Variants in SYT2 observed in about 807,000 individuals in gnomAD.
The protein encoded by SYT2 is synaptotagmin 2.
In SYT2, 15 loss-of-function variants were observed where a neutral mutation model predicts 39.9. The observed-to-expected ratio is 0.38, with a 90% CI of 0.25 to 0.58. SYT2 has a LOEUF of 0.58. Ranked by LOEUF, SYT2 falls within the 20% of genes least tolerant of loss-of-function variation. The pLI, the probability that SYT2 is intolerant of heterozygous loss-of-function variation, is 0.70. For synonymous variants in SYT2, 181 were observed against 204.5 expected, an observed-to-expected ratio of 0.89 and a Z score of 0.98; for missense variants, 389 against 530.3, an observed-to-expected ratio of 0.73 and a Z score of 2.62.
intron 1 of SYT2, among the ~76,000 whole-genome samples, chr1:202,679,750 C>T (rs1031898681): frequency 1.1e-4 from 16 of 152,162 alleles, no homozygotes; most frequent in South Asian, 2.1e-4. Flanking sequence ...TGCTTAATAT[C>T]CTTCAATGGA....
intron 1 of SYT2, among the ~76,000 whole-genome samples, chr1:202,703,881 G>A (rs1046232357): frequency 2.6e-5 from 4 of 152,202 alleles, no homozygotes; most frequent in African/African-American, 9.6e-5. Flanking sequence ...GCATGGAATA[G>A]TAATGGGTAA....
chr1:202,698,060 G>A (rs948792449), intron 1 of SYT2, among the ~76,000 whole-genome samples: 6 of 151,478 alleles, frequency 4.0e-5, no homozygotes, highest in Admixed American at 2.0e-4. Flanking sequence ...TCAGGGATCC[G>A]GTTCCTGCGT....
chr1:202,647,417 G>C (rs1387029463), intron 1 of SYT2, among the ~76,000 whole-genome samples: 2 of 152,162 alleles, frequency 1.3e-5, no homozygotes, highest in Non-Finnish European at 2.9e-5. Flanking sequence ...TTCTCTCTGA[G>C]CGATCTAGGC....
chr1:202,650,309 C>A (rs1015343948), intron 1 of SYT2, among the ~76,000 whole-genome samples: 1 of 152,216 alleles, frequency 6.6e-6, no homozygotes, highest in African/African-American at 2.4e-5. Flanking sequence ...GGGTCATGTG[C>A]TTGCACGCAG....
intron 1 of SYT2, among the ~76,000 whole-genome samples, chr1:202,624,581 G>A (rs1691303649): frequency 7.8e-6 from 1 of 127,590 alleles, no homozygotes; most frequent in African/African-American, 3.6e-5. Context: ...TGTGTGGTGT[G>A]TGATGTGTGT....
In SYT2 at chr1:202,623,143, C is replaced by T. The variant is rs1691249498; in HGVS notation, c.-17-17354G>A. ...GGATGCCCCCGCCAGGCAAGCCCCT[C>T]AGCACACCCTCCGCTCTGCCACCCC... On this transcript the variant is annotated intron_variant, in intron 1 of 8. Coordinates refer to ENST00000367268, the MANE Select transcript of SYT2 (RefSeq NM_177402.5). The surrounding 1 kb of genome is among the most constrained non-coding windows in gnomAD (Gnocchi z 4.2). Among the ~76,000 whole-genome samples the T allele has an allele frequency of 2.6e-5, 4 of 152,336 alleles. No individual in the cohort carries two copies. The South Asian group carries it at 8.3e-4, about 32-fold the overall frequency.
chr1:202,610,673 C>T (rs1166661232), intron 1 of SYT2, among the ~76,000 whole-genome samples: 3 of 152,154 alleles, frequency 2.0e-5, no homozygotes, highest in African/African-American at 4.8e-5. Flanking sequence ...TTCTTATACA[C>T]CAACAACAGA....
intron 1 of SYT2, among the ~76,000 whole-genome samples, chr1:202,696,274 T>G (rs987356833): frequency 1.3e-5 from 2 of 152,016 alleles, no homozygotes; most frequent in Admixed American, 1.3e-4. Context: ...GTGTAACATA[T>G]GTACCAGGTG....
At chr1:202,698,112 A>C (rs367942051) in intron 1 of SYT2, among the ~76,000 whole-genome samples, 10 of 150,374 alleles carry the variant, frequency 6.7e-5, no homozygotes, top group Non-Finnish European at 1.2e-4. Flanking sequence ...GGGTCTCACC[A>C]CCCCCCCAAG....
Position 202,614,209 on chromosome 1 carries a change from G to A in SYT2, c.-17-8420C>T, listed in dbSNP as rs1377764129. On this transcript the variant is annotated intron_variant, in intron 1 of 8. Transcript: ENST00000367268. This position sits in a 1 kb window ranked among gnomAD's most constrained non-coding sequence, Gnocchi z 4.0. ...ACGCTTAATGCTCCTGAGGTTCAGGGAATCTGCAGGCCAGGAATGAAGGGG... is the reference window on the plus strand; with the variant it reads ...ACGCTTAATGCTCCTGAGGTTCAGGAAATCTGCAGGCCAGGAATGAAGGGG... Among the ~76,000 whole-genome samples the A allele has an allele frequency of 2.6e-5, 4 of 152,206 alleles. No homozygotes were observed. Among genetic ancestry groups the A allele is most frequent in the Non-Finnish European group, 5.9e-5 (4 of 68,030 alleles).
intron 2 of SYT2, chr1:202,604,948 A>C (rs1206644673): frequency 3.9e-6 from 1 of 254,720 alleles, no homozygotes; most frequent in African/African-American, 2.3e-5. Context: ...AGTGTGATCT[A>C]TGGAGGACTG....
At chr1:202,696,945 C>T (rs1653988583) in intron 1 of SYT2, among the ~76,000 whole-genome samples, 1 of 152,230 alleles carries the variant, frequency 6.6e-6, no homozygotes, top group African/African-American at 2.4e-5. Flanking sequence ...TCCCCCACCA[C>T]CTCTGTCATT....
chr1:202,605,716 G>T lies in SYT2; in HGVS notation c.57C>A (p.Thr19=). Residue 19 remains threonine (T), a synonymous_variant, in exon 2 of 9, where the codon ACC becomes ACA. Transcript: ENST00000367268. ...QEPIVAPATT[T]ATMPIGPVDN... is the part of the protein sequence containing the mutation. ...CCACGGGTCCAATGGGCATCGTGGC[G>T]GTGGTGGTGGCAGGAGCCACAATAG... 6.2e-7 allele frequency: 1 copy of T among 1,614,030 alleles called. No individual in the cohort carries two copies. Among genetic ancestry groups the T allele is most frequent in the Non-Finnish European group, 8.5e-7 (1 of 1,179,952 alleles).
At chr1:202,651,664 C>T (rs1025207247) in intron 1 of SYT2, among the ~76,000 whole-genome samples, 1 of 152,206 alleles carries the variant, frequency 6.6e-6, no homozygotes, top group Non-Finnish European at 1.5e-5. Flanking sequence ...AGCTAAGAAG[C>T]TACAAAAGGC....
intron 1 of SYT2, among the ~76,000 whole-genome samples, chr1:202,651,166 A>C (rs1692186664): frequency 6.6e-6 from 1 of 151,968 alleles, no homozygotes; most frequent in African/African-American, 2.4e-5. Flanking sequence ...AGCCAATACC[A>C]GTCTACACCA....
chr1:202,665,189 G>C (rs1251563564), intron 1 of SYT2, among the ~76,000 whole-genome samples: 1 of 152,198 alleles, frequency 6.6e-6, no homozygotes, highest in African/African-American at 2.4e-5. Flanking sequence ...TGGGATGAAA[G>C]TGATGAGGAG....
At chr1:202,654,083 G>A (rs1236214319) in intron 1 of SYT2, among the ~76,000 whole-genome samples, 1 of 152,174 alleles carries the variant, frequency 6.6e-6, no homozygotes, top group Non-Finnish European at 1.5e-5. Context: ...CCCAAAAAGA[G>A]GAAATCAATT....
intron 1 of SYT2, among the ~76,000 whole-genome samples, chr1:202,616,537 T>A (rs1691043043): frequency 6.6e-6 from 1 of 152,096 alleles, no homozygotes; most frequent in African/African-American, 2.4e-5. Flanking sequence ...CACGCACACA[T>A]GGTCCCCATT....
At chr1:202,652,054 CTAAG>C (rs1441815795) in intron 1 of SYT2, among the ~76,000 whole-genome samples, 4 of 152,240 alleles carry the variant, frequency 2.6e-5, no homozygotes, top group African/African-American at 9.6e-5. Flanking sequence ...GAGACTCCGT[CTAAG>C]TAAGTCACAC....
Sources: gnomAD v4.1 joint callset for allele counts (sites outside exome capture counted in the v4.1 genomes callset) on GRCh38, gnomAD v4.1.1 for gene constraint, Gnocchi (gnomAD v3.1) non-coding constraint, MANE v1.5 for transcripts, NCBI Gene and HGNC (gene_info 2026-07-23, HGNC 2026-07-21) for gene names.